GDPD5: variants seen among roughly 807,000 people sequenced by gnomAD.
GDPD5 encodes the protein glycerophosphodiester phosphodiesterase 2.
A neutral mutation model predicts 75.1 loss-of-function variants in GDPD5; 48 were observed. That is an observed-to-expected ratio of 0.64 (90% confidence interval 0.51 to 0.81). GDPD5 has a LOEUF of 0.81. GDPD5 is among the 40% of genes least tolerant of loss of function. The pLI is 0.00. For missense variants in GDPD5, 706 were observed against 822.6 expected, an observed-to-expected ratio of 0.86 and a Z score of 1.73; for synonymous variants, 336 against 339.0, an observed-to-expected ratio of 0.99 and a Z score of 0.10.
At chr11:75,524,336 G>C (rs1941581372) in intron 1 of GDPD5, among the ~76,000 whole-genome samples, 1 of 152,226 alleles carries the variant, frequency 6.6e-6, no homozygotes. Context: ...TCTCACATCA[G>C]CGATAGGGAA....
intron 1 of GDPD5, among the ~76,000 whole-genome samples, chr11:75,494,165 A>G (rs1950167168): frequency 6.6e-6 from 1 of 152,016 alleles, no homozygotes; most frequent in African/African-American, 2.4e-5. Flanking sequence ...ACTCTTGAAA[A>G]CATACAATAA....
At chr11:75,515,935 C>CATTAA (rs1950629625) in intron 1 of GDPD5, 1 of 152,242 alleles carries the variant, frequency 6.6e-6, no homozygotes, top group South Asian at 2.1e-4. Flanking sequence ...AGAGCCCCTT[C>CATTAA]ATTAAGGGGT....
chr11:75,450,231 C>T (rs541433657), intron 6 of GDPD5, among the ~76,000 whole-genome samples: 13 of 152,036 alleles, frequency 8.6e-5, no homozygotes, highest in East Asian at 1.9e-4. Flanking sequence ...GAAGGGACAG[C>T]GAGAAATGGA....
chr11:75,523,679 A>T (rs1168088200), intron 1 of GDPD5, among the ~76,000 whole-genome samples: 1 of 17,892 alleles, frequency 5.6e-5, no homozygotes, highest in Non-Finnish European at 3.6e-4. Context: ...ATGAAAGGAG[A>T]TCACAGGTGT....
chr11:75,471,337 G>C (rs1387727392), intron 3 of GDPD5, among the ~76,000 whole-genome samples: 3 of 152,210 alleles, frequency 2.0e-5, no homozygotes, highest in Non-Finnish European at 4.4e-5. Flanking sequence ...GCAGGGAAAG[G>C]GATTAGAATC....
chr11:75,489,902 C>T (rs927707860), intron 2 of GDPD5, among the ~76,000 whole-genome samples: 14 of 152,184 alleles, frequency 9.2e-5, no homozygotes, highest in African/African-American at 3.1e-4. Flanking sequence ...CCATGCCTGG[C>T]GACCTGCCTG....
chr11:75,468,345 G>A (rs1949572331), intron 3 of GDPD5, among the ~76,000 whole-genome samples: 1 of 152,138 alleles, frequency 6.6e-6, no homozygotes, highest in South Asian at 2.1e-4. Context: ...TCCAGGACAC[G>A]AGCTCACCCT....
intron 6 of GDPD5, chr11:75,455,424 G>A (rs1461595422): frequency 2.2e-6 from 1 of 454,880 alleles, no homozygotes; most frequent in Non-Finnish European, 4.4e-6. Context: ...ACCACTCTAA[G>A]ACTTCAGTCT....
chr11:75,495,944 G>T (rs1003701927), intron 1 of GDPD5, among the ~76,000 whole-genome samples: 1 of 152,222 alleles, frequency 6.6e-6, no homozygotes, highest in African/African-American at 2.4e-5. Flanking sequence ...TTTCCACATG[G>T]AAGGTCCTTA....
intron 1 of GDPD5, among the ~76,000 whole-genome samples, chr11:75,493,451 G>C (rs149743324): frequency 3.2e-4 from 49 of 151,962 alleles, no homozygotes; most frequent in African/African-American, 1.2e-3. Context: ...GAGTGCAGTG[G>C]CTATTCTCAG....
At chr11:75,460,634 T>G (rs1029044890) in intron 4 of GDPD5, among the ~76,000 whole-genome samples, 1 of 152,104 alleles carries the variant, frequency 6.6e-6, no homozygotes, top group Non-Finnish European at 1.5e-5. Context: ...TTTGTAGAGA[T>G]GGGGTTTTTT....
At chr11:75,440,593 T>A (rs1948766037) in intron 14 of GDPD5, among the ~76,000 whole-genome samples, 1 of 152,194 alleles carries the variant, frequency 6.6e-6, no homozygotes, top group Non-Finnish European at 1.5e-5. Context: ...TGAGACAGGA[T>A]CTCACTTTGT....
intron 1 of GDPD5, chr11:75,508,026 C>G (rs1460741406): frequency 6.6e-6 from 1 of 151,962 alleles, no homozygotes; most frequent in African/African-American, 2.4e-5. Flanking sequence ...TCACAATGAG[C>G]CTGAGAATTA....
At chr11:75,499,772 G>T (rs1197424578) in intron 1 of GDPD5, among the ~76,000 whole-genome samples, 3 of 152,138 alleles carry the variant, frequency 2.0e-5, no homozygotes, top group African/African-American at 7.2e-5. Context: ...TTGGAAGCAG[G>T]CCATCCACGT....
intron 12 of GDPD5, 43 bp downstream of exon 12, chr11:75,442,320 A>C: frequency 6.9e-7 from 1 of 1,450,292 alleles, no homozygotes. Flanking sequence ...GGCTCTAGCC[A>C]GGCCAGGGCT....
chr11:75,508,108 A>C (rs1302063760), intron 1 of GDPD5: 1 of 152,210 alleles, frequency 6.6e-6, no homozygotes, highest in Non-Finnish European at 1.5e-5. Flanking sequence ...CTAATATGAC[A>C]GAGTCAGGAC....
chr11:75,449,948 C>G lies in GDPD5; in HGVS notation c.411G>C (p.Val137=), dbSNP rs771942421. 6.2e-7 allele frequency: 1 copy of G among 1,613,774 alleles called. No homozygotes were observed. Residue 137 remains valine (V), a synonymous_variant, in exon 7 of 17, where the codon GTG becomes GTC. Transcript: ENST00000336898. ...GLVVILASTV[V]AMSAVAQLWE... ...ACAGCTGGGCCACGGCCGACATGGC[C>G]ACCACCGTGGAAGCCAGGATGACCA...
intron 1 of GDPD5, among the ~76,000 whole-genome samples, chr11:75,523,118 G>C (rs983148835): frequency 6.6e-6 from 1 of 152,202 alleles, no homozygotes; most frequent in Non-Finnish European, 1.5e-5. Context: ...GATGGAAACG[G>C]ATATTTGGCC....
intron 4 of GDPD5, among the ~76,000 whole-genome samples, chr11:75,459,080 C>T (rs1353047225): frequency 6.6e-6 from 1 of 152,112 alleles, no homozygotes; most frequent in Non-Finnish European, 1.5e-5. Context: ...GGCCAACTGT[C>T]TTCTCAACAC....
Sources: gnomAD v4.1 joint callset for allele counts (sites outside exome capture counted in the v4.1 genomes callset) on GRCh38, gnomAD v4.1.1 for gene constraint, MANE v1.5 for transcripts, NCBI Gene and HGNC (gene_info 2026-07-23, HGNC 2026-07-21) for gene names.